Variants in CNTNAP2 observed in about 807,000 individuals in gnomAD.
CNTNAP2 encodes the protein contactin associated protein 2, also known as contactin-associated protein-like 2.
A neutral mutation model predicts 155.2 loss-of-function variants in CNTNAP2; 98 were observed. The observed-to-expected ratio is 0.63, with a 90% CI of 0.54 to 0.75. CNTNAP2 has a LOEUF of 0.75. Ranked by LOEUF, CNTNAP2 falls within the 30% of genes least tolerant of loss-of-function variation. The pLI is 0.00. For synonymous variants in CNTNAP2, 651 were observed against 631.2 expected (o/e 1.03, Z -0.47); for missense variants, 1,727 against 1,688.1 (o/e 1.02, Z -0.40).
At chr7:147,481,662 G>A (rs1798424965) in intron 10 of CNTNAP2, among the ~76,000 whole-genome samples, 1 of 152,202 alleles carries the variant, frequency 6.6e-6, no homozygotes, top group South Asian at 2.1e-4. Context: ...CTAAGTATGA[G>A]TTCGATGGAG....
rs922671101 is a variant in CNTNAP2 at position 148,415,143 on chromosome 7, G to T, written c.3797-274G>T. Among the ~76,000 whole-genome samples the T allele has an allele frequency of 6.1e-4, 93 of 152,042 alleles. 2 individuals carry two copies. The highest frequency in any genetic ancestry group is 1.5e-4 in the Non-Finnish European group (10 of 68,008). ...TTCTCAGACATCATGGTTCCTTTCT[G>T]CCTGTTTTCTAATGTCTGTAGACTG... is the stretch of plus-strand genomic sequence containing the variant. On this transcript the variant is annotated intron_variant, in intron 23 of 23. Coordinates refer to ENST00000361727, the MANE Select transcript of CNTNAP2 (RefSeq NM_014141.6).
At position 146,380,319 on chromosome 7, in the gene CNTNAP2, G is replaced by A. The variant is rs561043145; in HGVS notation, c.97+263346G>A. 4.1e-4 allele frequency among the ~76,000 whole-genome samples: 62 copies of A among 152,218 alleles called. 1 individual carries two copies. Among genetic ancestry groups the A allele is most frequent in the African/African-American group, 1.3e-3 (55 of 41,536 alleles). On this transcript the variant is annotated intron_variant, in intron 1 of 23. Coordinates refer to ENST00000361727, the MANE Select transcript of CNTNAP2 (RefSeq NM_014141.6). ...AGTATTTTGAAATATTAGTAAAAGC[G>A]TTATATCTCATATTTTTATGAAGGA... is the stretch of plus-strand genomic sequence containing the variant.
intron 1 of CNTNAP2, among the ~76,000 whole-genome samples, chr7:146,181,786 C>T (rs1798552780): frequency 1.3e-5 from 2 of 151,968 alleles, no homozygotes; most frequent in Admixed American, 1.3e-4. Context: ...TCTTGTCCCA[C>T]AAAAAAATAA....
intron 12 of CNTNAP2, among the ~76,000 whole-genome samples, chr7:147,592,905 T>C (rs935455709): frequency 1.3e-5 from 2 of 152,174 alleles, no homozygotes; most frequent in Non-Finnish European, 2.9e-5. Context: ...CAAATGGTCA[T>C]ACCCTGCTGC....
At chr7:148,068,864 C>A (rs1044326253) in intron 15 of CNTNAP2, among the ~76,000 whole-genome samples, 21 of 152,134 alleles carry the variant, frequency 1.4e-4, no homozygotes, top group African/African-American at 5.1e-4. Flanking sequence ...TTTATTGGTA[C>A]CTTGCTGAAG....
chr7:146,807,578 G>T (rs1802989701), intron 2 of CNTNAP2, among the ~76,000 whole-genome samples: 1 of 151,816 alleles, frequency 6.6e-6, no homozygotes, highest in Admixed American at 6.6e-5. Flanking sequence ...TACCTCTCAT[G>T]GTGACAATGT....
intron 1 of CNTNAP2, among the ~76,000 whole-genome samples, chr7:146,284,769 G>C (rs1221523501): frequency 1.3e-5 from 2 of 152,212 alleles, no homozygotes; most frequent in African/African-American, 4.8e-5. Context: ...GACGGGGTTT[G>C]ACTGCTCAGT....
intron 8 of CNTNAP2, among the ~76,000 whole-genome samples, chr7:147,219,942 A>ATTTTTTTT (rs34947567): frequency 1.6e-5 from 2 of 123,016 alleles, no homozygotes; most frequent in Non-Finnish European, 1.7e-5. Context: ...CGCCCAGCTA[A>ATTTTTTTT]TTTTTTTTTT....
At chr7:148,236,576 T>A (rs1208367501) in intron 20 of CNTNAP2, among the ~76,000 whole-genome samples, 1 of 152,204 alleles carries the variant, frequency 6.6e-6, no homozygotes, top group Non-Finnish European at 1.5e-5. Context: ...CTTAGGCATT[T>A]AGTCTGCCTT....
intron 9 of CNTNAP2, among the ~76,000 whole-genome samples, chr7:147,387,333 A>G (rs1478596580): frequency 1.3e-5 from 2 of 152,178 alleles, no homozygotes; most frequent in African/African-American, 4.8e-5. Flanking sequence ...TCATTCTTGA[A>G]TATTCTATCC....
At chr7:147,338,599 C>T (rs1261076340) in intron 9 of CNTNAP2, among the ~76,000 whole-genome samples, 1 of 152,020 alleles carries the variant, frequency 6.6e-6, no homozygotes, top group Non-Finnish European at 1.5e-5. Flanking sequence ...TACTCCTTTT[C>T]AAATTTTTAA....
intron 1 of CNTNAP2, among the ~76,000 whole-genome samples, chr7:146,122,125 G>T (rs1270053220): frequency 6.6e-6 from 1 of 152,116 alleles, no homozygotes; most frequent in Non-Finnish European, 1.5e-5. Flanking sequence ...CCTATGTTAG[G>T]TAGAGTTACT....
rs1795237172 is a variant in CNTNAP2, at chr7:147,639,266, C to G, written c.2058C>G (p.Val686=). ...GTGCCGAGTACTGCGAGCAGTATGT[C>G]TCCTATTTCTGCAAGATGTCAAGAT... ...TDSAEYCEQY[V]SYFCKMSRLL... is the part of the protein sequence containing the mutation. Residue 686 remains valine (V), a synonymous_variant, in exon 13 of 24, where the codon GTC becomes GTG. Coordinates refer to ENST00000361727, the MANE Select transcript of CNTNAP2 (RefSeq NM_014141.6). 1.2e-6 allele frequency: 2 copies of G among 1,613,986 alleles called. No individual in the cohort carries two copies. The highest frequency in any genetic ancestry group is 1.3e-5 in the African/African-American group (1 of 74,908).
intron 10 of CNTNAP2, among the ~76,000 whole-genome samples, chr7:147,469,522 T>TTTTTTTC (rs1798176943): frequency 1.2e-5 from 1 of 84,228 alleles, no homozygotes; most frequent in Non-Finnish European, 2.3e-5. Flanking sequence ...TTTTTTTTTT[T>TTTTTTTC]TTTTTTTTTT....
intron 21 of CNTNAP2, among the ~76,000 whole-genome samples, chr7:148,332,267 G>C (rs1048971073): frequency 1.2e-4 from 18 of 151,824 alleles, no homozygotes; most frequent in African/African-American, 3.9e-4. Flanking sequence ...GCATTGAATA[G>C]ATGTATATTA....
At chr7:146,271,739 C>A (rs6972500) in intron 1 of CNTNAP2, among the ~76,000 whole-genome samples, 2,927 of 151,988 alleles carry the variant, frequency 0.019, 114 homozygotes, top group African/African-American at 0.067. Context: ...ACAATTTTCA[C>A]AAATCTTTGA....
At chr7:146,729,192 C>T (rs1801482983) in intron 1 of CNTNAP2, among the ~76,000 whole-genome samples, 1 of 152,162 alleles carries the variant, frequency 6.6e-6, no homozygotes, top group African/African-American at 2.4e-5. Flanking sequence ...TTCATTAGGG[C>T]TCCTCAGACA....
At chr7:146,596,118 A>G (rs1445191974) in intron 1 of CNTNAP2, among the ~76,000 whole-genome samples, 1 of 152,052 alleles carries the variant, frequency 6.6e-6, no homozygotes, top group Admixed American at 6.6e-5. Flanking sequence ...TCCGGAGCAG[A>G]CATCTATAAC....
intron 3 of CNTNAP2, among the ~76,000 whole-genome samples, chr7:146,976,411 G>A (rs1176948691): frequency 2.0e-5 from 3 of 152,094 alleles, no homozygotes; most frequent in African/African-American, 7.2e-5. Context: ...CAAGCCCCAG[G>A]CTCTTTTACC....
Sources: gnomAD v4.1 joint callset for allele counts (sites outside exome capture counted in the v4.1 genomes callset) on GRCh38, gnomAD v4.1.1 for gene constraint, MANE v1.5 for transcripts, NCBI Gene and HGNC (gene_info 2026-07-23, HGNC 2026-07-21) for gene names.